The following TRPM3 variants were observed in gnomAD, a reference collection of about 807,000 sequenced individuals.
TRPM3 encodes the protein transient receptor potential cation channel subfamily M member 3.
A neutral mutation model predicts 181.2 loss-of-function variants in TRPM3; 77 were observed. That is an observed-to-expected ratio of 0.42 (90% CI 0.35 to 0.51). The LOEUF (loss-of-function observed/expected upper bound fraction) is 0.51, where lower values mean the gene tolerates loss of function less well. Among genes scored for constraint, TRPM3 ranks in the 20% least tolerant of loss-of-function variants. The pLI, the probability that TRPM3 is intolerant of heterozygous loss-of-function variation, is 0.01. For missense variants in TRPM3, 1,759 were observed against 2,196.7 expected, an observed-to-expected ratio of 0.80 and a Z score of 3.98; for synonymous variants, 745 against 796.4, an observed-to-expected ratio of 0.94 and a Z score of 1.09.
chr9:71,255,442 C>T (rs922222349), intron 1 of TRPM3, among the ~76,000 whole-genome samples: 2 of 152,140 alleles, frequency 1.3e-5, no homozygotes, highest in Non-Finnish European at 2.9e-5. Context: ...CCCACATTTG[C>T]AGACACCAAC....
intron 6 of TRPM3, among the ~76,000 whole-genome samples, chr9:70,815,212 G>A (rs1332195074): frequency 6.6e-6 from 1 of 152,066 alleles, no homozygotes; most frequent in Non-Finnish European, 1.5e-5. Context: ...TATCTTTTAT[G>A]TGAGCCCAAC....
chr9:71,341,606 G>A (rs2090964493), intron 1 of TRPM3, among the ~76,000 whole-genome samples: 1 of 151,066 alleles, frequency 6.6e-6, no homozygotes, highest in Admixed American at 6.6e-5. Context: ...AGAAGGGTAA[G>A]ACATGAGAAC....
In TRPM3 at chr9:71,358,843, T is replaced by C. The variant is rs937088108; in HGVS notation, c.183+87810A>G. Among the ~76,000 whole-genome samples, 3 of 152,214 alleles carry C rather than the reference T, an allele frequency of 2.0e-5. No individual in the cohort carries two copies. In the South Asian group the frequency reaches 6.2e-4, roughly 31 times the overall value. ...TTTTATCCGTCTGGTTATCAGGGTTTGTAATGCATAGGTGCTATTATTACC... is the reference window on the plus strand; with the variant it reads ...TTTTATCCGTCTGGTTATCAGGGTTCGTAATGCATAGGTGCTATTATTACC... On this transcript the variant is annotated intron_variant, in intron 1 of 24. Coordinates refer to the TRPM3 transcript ENST00000357533.
At chr9:71,415,031 T>A (rs2093615457) in intron 1 of TRPM3, among the ~76,000 whole-genome samples, 1 of 152,172 alleles carries the variant, frequency 6.6e-6, no homozygotes, top group Middle Eastern at 3.4e-3. Context: ...TGGGAAGATT[T>A]TCCTGGATTA....
At chr9:71,225,734 T>G (rs2131872433) in intron 1 of TRPM3, among the ~76,000 whole-genome samples, 1 of 152,184 alleles carries the variant, frequency 6.6e-6, no homozygotes, top group Non-Finnish European at 1.5e-5. Context: ...CTCAGCTCAC[T>G]GCAACCCCGC....
rs35388140 is a variant in TRPM3 at position 71,096,560 on chromosome 9, G to GCACACACA, written c.177+24610_177+24617dup. On this transcript the variant is annotated intron_variant, in intron 1 of 25. Coordinates refer to ENST00000677713, the MANE Select transcript of TRPM3 (RefSeq NM_001366145.2). Reference sequence around the variant, plus strand: ...TGGAACCCCCATCCTGTGAGCGCATGCACACACACACACACACACACACAC... The same window carrying GCACACACA: ...TGGAACCCCCATCCTGTGAGCGCATGCACACACACACACACACACACACACACACACAC... 2.1e-3 allele frequency among the ~76,000 whole-genome samples: 164 copies of GCACACACA among 78,358 alleles called. 4 individuals are homozygous for GCACACACA. Among genetic ancestry groups the GCACACACA allele is most frequent in the African/African-American group, 8.8e-3 (130 of 14,786 alleles). 51.4% of individuals were successfully genotyped at this position (78,358 alleles called of 152,430 possible). A position where few individuals can be genotyped will look rare whatever the true frequency, so the allele number is the denominator to read the frequency against.
intron 1 of TRPM3, among the ~76,000 whole-genome samples, chr9:70,990,153 C>T (rs2134113176): frequency 6.6e-6 from 1 of 152,298 alleles, no homozygotes; most frequent in Non-Finnish European, 1.5e-5. Context: ...AATACCTATT[C>T]TATTCTGAGA....
At chr9:71,241,531 G>A (rs931369793) in intron 1 of TRPM3, among the ~76,000 whole-genome samples, 2 of 151,592 alleles carry the variant, frequency 1.3e-5, no homozygotes, top group Admixed American at 1.3e-4. Flanking sequence ...AGCATTAGGA[G>A]ATATACCTAA....
rs1347200685 is a variant in TRPM3 at position 70,537,287 on chromosome 9, C to T, written c.3826G>A (p.Ala1276Thr). Residue 1276 changes from alanine (A) to threonine (T), a missense_variant, in exon 26 of 26, where the codon GCC becomes ACC. Ala to Thr is a moderately conservative substitution (Grantham distance 58). Coordinates refer to ENST00000677713, the MANE Select transcript of TRPM3 (RefSeq NM_001366145.2). ...CCTGTCAGGCGCTCCAGGGCCGTGG[C>T]CATGCGCCCGATAAGGTCTTCCAGC... is the stretch of plus-strand genomic sequence containing the variant. Reference protein sequence around the residue: ...AQLEDLIGRMATALERLTGLE... With the variant: ...AQLEDLIGRMTTALERLTGLE... 1 of 1,562,344 alleles carries T rather than the reference C, an allele frequency of 6.4e-7. No homozygotes were observed. Among genetic ancestry groups the T allele is most frequent in the South Asian group, 1.2e-5 (1 of 85,006 alleles).
intron 25 of TRPM3, among the ~76,000 whole-genome samples, chr9:70,543,179 A>G (rs1246273590): frequency 6.6e-6 from 1 of 152,190 alleles, no homozygotes; most frequent in African/African-American, 2.4e-5. Context: ...TAAGTTGAAC[A>G]TACTATTTTT....
chr9:70,917,491 G>C, intron 1 of TRPM3: 1 of 732,190 alleles, frequency 1.4e-6, no homozygotes, highest in Non-Finnish European at 2.5e-6. Context: ...CCAGCACCAG[G>C]GCCAAGGGAG....
chr9:71,446,394 C>T (rs4745087), intron 1 of TRPM3, among the ~76,000 whole-genome samples: 115,098 of 151,918 alleles, frequency 0.76, 45,412 homozygotes, highest in Non-Finnish European at 0.88. Flanking sequence ...TAACAGCGAG[C>T]CCCCTCGCCT....
chr9:71,017,290 A>G (rs2097792511), intron 1 of TRPM3, among the ~76,000 whole-genome samples: 1 of 152,076 alleles, frequency 6.6e-6, no homozygotes, highest in East Asian at 1.9e-4. Flanking sequence ...CTTAAAAGAT[A>G]TAGAATGAAC....
At chr9:70,553,387 G>A (rs890803925) in intron 22 of TRPM3, 77 bp from the exon 23 acceptor site, 6 of 1,549,828 alleles carry the variant, frequency 3.9e-6, no homozygotes, top group Non-Finnish European at 5.2e-6. Flanking sequence ...TGGATTTGTA[G>A]GAGGGTTTTA....
At chr9:70,987,291 T>C (rs1001293445) in intron 1 of TRPM3, among the ~76,000 whole-genome samples, 1 of 152,150 alleles carries the variant, frequency 6.6e-6, no homozygotes, top group Non-Finnish European at 1.5e-5. Context: ...AGTGCTTAAG[T>C]GAAGAGAGTA....
chr9:70,699,541 C>T (rs2071713663), intron 8 of TRPM3, among the ~76,000 whole-genome samples: 1 of 152,174 alleles, frequency 6.6e-6, no homozygotes, highest in Non-Finnish European at 1.5e-5. Context: ...ATTCACTAAA[C>T]ACTAGGCCTT....
chr9:70,561,986 G>A (rs1426867575), intron 22 of TRPM3, among the ~76,000 whole-genome samples: 1 of 152,196 alleles, frequency 6.6e-6, no homozygotes, highest in East Asian at 1.9e-4. Context: ...GAAAGACTGA[G>A]CTCAAGCATC....
Position 70,806,690 on chromosome 9 carries a change from AAAAATAAAAT to A in TRPM3, c.973+21147_973+21156del, listed in dbSNP as rs144668023. On this transcript the variant is annotated intron_variant, in intron 6 of 25. Transcript: ENST00000677713. The stretch of plus-strand genomic sequence containing the variant: ...GGGTGACAGAGCTAGACTCCGTCTC[AAAAATAAAAT>A]AAAATAAAATAAAATAAAATAAAAA... Among the ~76,000 whole-genome samples, 874 of 148,852 alleles carry A rather than the reference AAAAATAAAAT, an allele frequency of 5.9e-3. 12 individuals carry two copies. Among genetic ancestry groups the A allele is most frequent in the African/African-American group, 0.02 (809 of 40,672 alleles).
intron 8 of TRPM3, among the ~76,000 whole-genome samples, chr9:70,738,419 G>T (rs1218188274): frequency 1.3e-5 from 2 of 152,004 alleles, no homozygotes. Context: ...AATCAAGATG[G>T]AAATGTAAAA....
Sources: allele counts gnomAD v4.1 joint callset (sites outside exome capture counted in the v4.1 genomes callset), GRCh38; gene constraint gnomAD v4.1.1; transcripts MANE v1.5; gene names NCBI Gene and HGNC (gene_info 2026-07-23, HGNC 2026-07-21).